TMEM117: variants seen among roughly 807,000 people sequenced by gnomAD.
The protein encoded by TMEM117 is transmembrane protein 117.
A neutral mutation model predicts 52.4 loss-of-function variants in TMEM117; 27 were observed. The observed-to-expected ratio is 0.51, with a 90% CI of 0.38 to 0.71. TMEM117 has a LOEUF of 0.71. Ranked by LOEUF, TMEM117 falls within the 30% of genes least tolerant of loss-of-function variation. The pLI is 0.00. For synonymous variants in TMEM117, 215 were observed against 206.3 expected, an observed-to-expected ratio of 1.04 and a Z score of -0.36; for missense variants, 556 against 630.5, an observed-to-expected ratio of 0.88 and a Z score of 1.26.
chr12:44,207,807 A>C (rs1260208790), intron 4 of TMEM117, among the ~76,000 whole-genome samples: 3 of 152,026 alleles, frequency 2.0e-5, no homozygotes, highest in Admixed American at 6.6e-5. Flanking sequence ...CCTAAATAAA[A>C]AAAAAAAACC....
At chr12:43,909,620 A>T (rs1010326695) in intron 2 of TMEM117, among the ~76,000 whole-genome samples, 4 of 150,634 alleles carry the variant, frequency 2.7e-5, no homozygotes, top group African/African-American at 9.7e-5. Context: ...TAAAGAAAAA[A>T]AGAAGAATCA....
At chr12:44,336,426 A>G (rs1039966967) in intron 6 of TMEM117, among the ~76,000 whole-genome samples, 2 of 152,072 alleles carry the variant, frequency 1.3e-5, no homozygotes, top group African/African-American at 2.4e-5. Flanking sequence ...TATATTTTCT[A>G]TTTGCCATGA....
chr12:43,804,658 A>C, the TMEM117 span: 1 of 918,816 alleles, frequency 1.1e-6, no homozygotes. Flanking sequence ...ATTAGAATAC[A>C]AAGAAAAAAT....
chr12:44,001,476 C>T (rs1333823144), intron 3 of TMEM117, among the ~76,000 whole-genome samples: 1 of 152,112 alleles, frequency 6.6e-6, no homozygotes, highest in Non-Finnish European at 1.5e-5. Context: ...GGTATAGGGA[C>T]CCACTGATAG....
At chr12:44,131,139 T>C (rs535888954) in intron 3 of TMEM117, among the ~76,000 whole-genome samples, 2 of 152,270 alleles carry the variant, frequency 1.3e-5, no homozygotes, top group Non-Finnish European at 2.9e-5. Flanking sequence ...TTTTCCAATA[T>C]ATTTATTCAA....
Position 44,027,116 on chromosome 12 carries a change from C to T in TMEM117, c.410+82774C>T, listed in dbSNP as rs1219986609. ...TTTATTTTATTTTATTTTATTTTAT[C>T]TTATTATTTTATTTTATATTTTATT... On this transcript the variant is annotated intron_variant, in intron 3 of 7. Transcript: ENST00000266534. 8.0e-3 allele frequency among the ~76,000 whole-genome samples: 866 copies of T among 107,770 alleles called. 15 individuals are homozygous for T. Among genetic ancestry groups the T allele is most frequent in the African/African-American group, 0.029 (632 of 21,852 alleles). 70.7% of individuals were successfully genotyped at this position (107,770 alleles called of 152,430 possible). A position where few individuals can be genotyped will look rare whatever the true frequency, so the allele number is the denominator to read the frequency against.
intron 6 of TMEM117, among the ~76,000 whole-genome samples, chr12:44,329,047 C>T (rs1354681539): frequency 3.3e-5 from 5 of 151,826 alleles, no homozygotes; most frequent in Non-Finnish European, 7.4e-5. Flanking sequence ...GATGGACTAT[C>T]CCACCACAAC....
chr12:44,248,866 G>A (rs949173575), intron 5 of TMEM117: 9 of 156,510 alleles, frequency 5.8e-5, no homozygotes, highest in African/African-American at 1.9e-4. Flanking sequence ...GCCACTGTTT[G>A]TGTCTTAACC....
At chr12:43,805,994 C>A in the TMEM117 span, 1 of 1,534,770 alleles carries the variant, frequency 6.5e-7, no homozygotes, top group Non-Finnish European at 8.7e-7. Flanking sequence ...CCCCGAATTT[C>A]GGATCAATCT....
chr12:44,057,465 A>T (rs1394027369), intron 3 of TMEM117, among the ~76,000 whole-genome samples: 1 of 152,056 alleles, frequency 6.6e-6, no homozygotes, highest in Non-Finnish European at 1.5e-5. Context: ...GCAAGCACAT[A>T]CCATTTCTGT....
At chr12:43,999,977 A>G (rs1168348143) in intron 3 of TMEM117, among the ~76,000 whole-genome samples, 1 of 152,230 alleles carries the variant, frequency 6.6e-6, no homozygotes, top group African/African-American at 2.4e-5. Context: ...TTAGAGTTAT[A>G]TGGCACAAAT....
intron 6 of TMEM117, among the ~76,000 whole-genome samples, chr12:44,325,934 G>A (rs1334514495): frequency 6.6e-6 from 1 of 152,346 alleles, no homozygotes; most frequent in East Asian, 1.9e-4. Context: ...TCCAAGGGGG[G>A]CAGATCTACT....
chr12:44,358,110 A>G (rs1951675995), intron 6 of TMEM117, among the ~76,000 whole-genome samples: 1 of 152,154 alleles, frequency 6.6e-6, no homozygotes, highest in African/African-American at 2.4e-5. Context: ...TATAAGTGGG[A>G]GCTAAACAGT....
chr12:44,393,048 A>G (rs1952168346), downstream of TMEM117, among the ~76,000 whole-genome samples: 1 of 152,210 alleles, frequency 6.6e-6, no homozygotes, highest in African/African-American at 2.4e-5. Context: ...AGATTCTGAA[A>G]AAATTTAATG....
intron 4 of TMEM117, among the ~76,000 whole-genome samples, chr12:44,164,660 T>A (rs1272667003): frequency 6.6e-6 from 1 of 152,206 alleles, no homozygotes; most frequent in Non-Finnish European, 1.5e-5. Flanking sequence ...AACTCTGGGA[T>A]ATAATAAGAG....
At chr12:43,848,918 G>T in intron 2 of TMEM117, among the ~76,000 whole-genome samples, 1 of 152,276 alleles carries the variant, frequency 6.6e-6, no homozygotes, top group Non-Finnish European at 1.5e-5. Context: ...CTAAAGATTT[G>T]GATGAAACTC....
the TMEM117 span, among the ~76,000 whole-genome samples, chr12:43,804,837 T>C: frequency 6.6e-6 from 1 of 152,254 alleles, no homozygotes; most frequent in Non-Finnish European, 1.5e-5. Context: ...GGGGTGAATA[T>C]ACTGAAGTTA....
chr12:44,051,366 A>G (rs1322950417), intron 3 of TMEM117, among the ~76,000 whole-genome samples: 1 of 152,230 alleles, frequency 6.6e-6, no homozygotes, highest in Admixed American at 6.5e-5. Context: ...ACTGAACAAC[A>G]GTAGCAAAAA....
chr12:44,128,103 G>C (rs900337926), intron 3 of TMEM117, among the ~76,000 whole-genome samples: 6 of 152,206 alleles, frequency 3.9e-5, no homozygotes, highest in Admixed American at 3.3e-4. Context: ...TGTTAAGGCT[G>C]TGCAAAGCCT....
Sources: allele counts gnomAD v4.1 joint callset (sites outside exome capture counted in the v4.1 genomes callset), GRCh38; gene constraint gnomAD v4.1.1; transcripts MANE v1.5; gene names NCBI Gene and HGNC (gene_info 2026-07-23, HGNC 2026-07-21).